Variants in NXN observed in about 807,000 individuals in gnomAD.
The protein encoded by NXN is nucleoredoxin 1.
NXN carries 16 observed loss-of-function variants against 48.6 expected under a neutral mutation model. The observed-to-expected ratio is 0.33, with a 90% CI of 0.22 to 0.50. The LOEUF (loss-of-function observed/expected upper bound fraction) is 0.50, where lower values mean the gene tolerates loss of function less well. Ranked by LOEUF, NXN falls within the 20% of genes least tolerant of loss-of-function variation. The pLI is 0.98. For missense variants in NXN, 492 were observed against 605.5 expected, an observed-to-expected ratio of 0.81 and a Z score of 1.97; for synonymous variants, 281 against 269.6, an observed-to-expected ratio of 1.04 and a Z score of -0.41.
At chr17:845,971 G>A (rs12942677) in intron 1 of NXN, among the ~76,000 whole-genome samples, 1 of 152,186 alleles carries the variant, frequency 6.6e-6, no homozygotes, top group Non-Finnish European at 1.5e-5. Flanking sequence ...GCTGAGGCGG[G>A]AGAATTGCTT....
chr17:884,003 G>A (rs1364580661), intron 1 of NXN, among the ~76,000 whole-genome samples: 1 of 152,178 alleles, frequency 6.6e-6, no homozygotes, highest in Non-Finnish European at 1.5e-5. Flanking sequence ...CGGATCACGA[G>A]GTCAGGAGAT....
intron 1 of NXN, among the ~76,000 whole-genome samples, chr17:900,133 C>T (rs899235377): frequency 9.9e-5 from 15 of 151,954 alleles, no homozygotes; most frequent in Non-Finnish European, 1.8e-4. Flanking sequence ...GGTGTGGTGG[C>T]GCATGCCTGA....
intron 1 of NXN, among the ~76,000 whole-genome samples, chr17:882,548 C>T (rs2068296471): frequency 6.6e-6 from 1 of 152,038 alleles, no homozygotes; most frequent in African/African-American, 2.4e-5. Context: ...TCACTGCAAG[C>T]TCCGCCTCCC....
intron 1 of NXN, among the ~76,000 whole-genome samples, chr17:902,927 G>A (rs778845070): frequency 3.3e-5 from 5 of 151,104 alleles, no homozygotes; most frequent in Admixed American, 1.3e-4. Flanking sequence ...GCACCATCAC[G>A]TCTGGCTAAT....
chr17:943,810 G>A (rs1466966675), intron 1 of NXN, among the ~76,000 whole-genome samples: 4 of 148,604 alleles, frequency 2.7e-5, no homozygotes, highest in African/African-American at 1.0e-4. Context: ...GAGTGACAGA[G>A]TATGACTCCG....
At chr17:851,583 T>C (rs1453873075) in intron 1 of NXN, among the ~76,000 whole-genome samples, 1 of 152,248 alleles carries the variant, frequency 6.6e-6, no homozygotes, top group Non-Finnish European at 1.5e-5. Context: ...AGGCTTGCTA[T>C]GATGAAGCCA....
At chr17:847,339 A>G (rs1332066838) in intron 1 of NXN, among the ~76,000 whole-genome samples, 1 of 151,950 alleles carries the variant, frequency 6.6e-6, no homozygotes, top group East Asian at 1.9e-4. Flanking sequence ...GTCCCCACTG[A>G]GCCCTGGGCC....
intron 1 of NXN, among the ~76,000 whole-genome samples, chr17:927,326 G>A (rs2068810622): frequency 6.7e-6 from 1 of 150,360 alleles, no homozygotes; most frequent in Non-Finnish European, 1.5e-5. Context: ...AGCAAAATTA[G>A]GACTGGGTGC....
chr17:975,444 G>T (rs191911448), intron 1 of NXN, among the ~76,000 whole-genome samples: 1 of 152,304 alleles, frequency 6.6e-6, no homozygotes, highest in East Asian at 1.9e-4. Context: ...AGGGATTCAA[G>T]TAAATTCTCA....
intron 1 of NXN, among the ~76,000 whole-genome samples, chr17:840,190 C>T (rs920131777): frequency 6.6e-6 from 1 of 152,106 alleles, no homozygotes; most frequent in African/African-American, 2.4e-5. Context: ...ATTTAGCACC[C>T]ATGCCAGCAG....
Position 956,563 on chromosome 17 carries a change from G to A in NXN, c.360+22756C>T, listed in dbSNP as rs1377828079. On this transcript the variant is annotated intron_variant, in intron 1 of 7. Coordinates refer to ENST00000336868, the MANE Select transcript of NXN (RefSeq NM_022463.5). This position sits in a 1 kb window ranked among gnomAD's most constrained non-coding sequence, Gnocchi z 4.1. Reference sequence around the variant, plus strand: ...CAAGTAGCTGGGACTACAGGCGCCCGCCACCACGTCCGGCTAATTTTTTGT... The same window carrying A: ...CAAGTAGCTGGGACTACAGGCGCCCACCACCACGTCCGGCTAATTTTTTGT... Among the ~76,000 whole-genome samples, 3 of 152,018 alleles carry A rather than the reference G, an allele frequency of 2.0e-5. No homozygotes were observed. The highest frequency in any genetic ancestry group is 4.8e-5 in the African/African-American group (2 of 41,392).
intron 1 of NXN, among the ~76,000 whole-genome samples, chr17:889,244 G>C (rs1015083435): frequency 3.9e-5 from 6 of 152,166 alleles, no homozygotes; most frequent in African/African-American, 1.4e-4. Context: ...AGGATTAAGT[G>C]AGAAGACAGA....
At chr17:927,677 G>C (rs937535097) in intron 1 of NXN, among the ~76,000 whole-genome samples, 1 of 150,716 alleles carries the variant, frequency 6.6e-6, no homozygotes, top group Non-Finnish European at 1.5e-5. Flanking sequence ...TAACCAGTCA[G>C]ACAGCGATGG....
chr17:842,983 AGAAAGAGAGAAAGAGAGAAAGAG>A (rs1567828923), intron 1 of NXN, among the ~76,000 whole-genome samples: 46 of 107,978 alleles, frequency 4.3e-4, no homozygotes, highest in Middle Eastern at 4.5e-3. Flanking sequence ...AGAGAAAGAG[AGAAAGAGAGAAAGAGAGAAAGAG>A]AGAAAGAAAG....
At chr17:840,142 A>C (rs1914064827) in intron 1 of NXN, among the ~76,000 whole-genome samples, 1 of 151,604 alleles carries the variant, frequency 6.6e-6, no homozygotes, top group Non-Finnish European at 1.5e-5. Flanking sequence ...TTTCTACTGG[A>C]CCATAAATGG....
intron 1 of NXN, among the ~76,000 whole-genome samples, chr17:965,032 C>G (rs934049016): frequency 6.6e-6 from 1 of 152,164 alleles, no homozygotes; most frequent in African/African-American, 2.4e-5. Flanking sequence ...TCAGGAAGTA[C>G]AAGCTCTGCG....
intron 1 of NXN, among the ~76,000 whole-genome samples, chr17:833,143 A>G (rs866254099): frequency 7.9e-5 from 12 of 152,144 alleles, no homozygotes; most frequent in East Asian, 1.9e-4. Flanking sequence ...CGCCCACCTC[A>G]GCCTCCCAAA....
chr17:818,529 C>T (rs58487107), intron 5 of NXN, among the ~76,000 whole-genome samples: 3,996 of 152,212 alleles, frequency 0.026, 155 homozygotes, highest in African/African-American at 0.087. Flanking sequence ...TCACAGTAAA[C>T]CTTTGGGATA....
intron 5 of NXN, among the ~76,000 whole-genome samples, chr17:805,473 G>A (rs572754890): frequency 7.9e-5 from 12 of 152,278 alleles, no homozygotes; most frequent in African/African-American, 2.9e-4. Context: ...CCTGTAACCT[G>A]TCACCTTCGC....
Sources: gnomAD v4.1 joint callset for allele counts (sites outside exome capture counted in the v4.1 genomes callset) on GRCh38, gnomAD v4.1.1 for gene constraint, Gnocchi (gnomAD v3.1) non-coding constraint, MANE v1.5 for transcripts, NCBI Gene and HGNC (gene_info 2026-07-23, HGNC 2026-07-21) for gene names.